HECW2: variants seen among roughly 807,000 people sequenced by gnomAD.
HECW2 encodes the protein E3 ubiquitin-protein ligase HECW2.
HECW2 carries 61 observed loss-of-function variants against 175.2 expected under a neutral mutation model. That is an observed-to-expected ratio of 0.35 (90% CI 0.28 to 0.43). HECW2 has a LOEUF of 0.43. HECW2 is among the 20% of genes least tolerant of loss of function. HECW2 has a pLI of 1.00. For missense variants in HECW2, 1,524 were observed against 2,000.5 expected, an observed-to-expected ratio of 0.76 and a Z score of 4.54; for synonymous variants, 671 against 731.0, an observed-to-expected ratio of 0.92 and a Z score of 1.32.
At chr2:196,257,959 A>T in intron 17 of HECW2, 53 bp from the exon 18 acceptor site, 1 of 1,308,590 alleles carries the variant, frequency 7.6e-7, no homozygotes, top group Non-Finnish European at 1.1e-6. Flanking sequence ...TTTAGGCTAT[A>T]ACTCAGTAGT....
intron 2 of HECW2, among the ~76,000 whole-genome samples, chr2:196,397,980 T>A (rs1321125918): frequency 6.6e-6 from 1 of 152,144 alleles, no homozygotes; most frequent in Non-Finnish European, 1.5e-5. Context: ...GCAGAAAGCA[T>A]ACCCTTCCGA....
At chr2:196,434,977 A>G (rs1302188256) in intron 1 of HECW2, among the ~76,000 whole-genome samples, 1 of 152,238 alleles carries the variant, frequency 6.6e-6, no homozygotes, top group Non-Finnish European at 1.5e-5. Context: ...CCATCCTCCC[A>G]TTGAGTTCAC....
chr2:196,331,356 T>A, intron 4 of HECW2: 1 of 864,902 alleles, frequency 1.2e-6, no homozygotes, highest in South Asian at 5.3e-5. Flanking sequence ...GGCTATCTCA[T>A]CCTGCTTTCA....
intron 1 of HECW2, among the ~76,000 whole-genome samples, chr2:196,447,325 C>T (rs761138440): frequency 6.6e-5 from 10 of 152,200 alleles, no homozygotes; most frequent in South Asian, 4.1e-4. Flanking sequence ...GAACTGAAGA[C>T]GTAAAATTAG....
At chr2:196,250,931 A>G (rs1688829074) in intron 19 of HECW2, among the ~76,000 whole-genome samples, 1 of 152,194 alleles carries the variant, frequency 6.6e-6, no homozygotes, top group South Asian at 2.1e-4. Context: ...ACCAATCATG[A>G]TCCGGTTTAT....
chr2:196,228,809 A>T (rs1687945907), intron 21 of HECW2, among the ~76,000 whole-genome samples: 1 of 152,238 alleles, frequency 6.6e-6, no homozygotes, highest in African/African-American at 2.4e-5. Context: ...ATGGAGTGAT[A>T]AGGTGCAAAT....
chr2:196,276,190 A>C (rs1040791188), intron 15 of HECW2, among the ~76,000 whole-genome samples: 6 of 152,320 alleles, frequency 3.9e-5, no homozygotes, highest in African/African-American at 1.2e-4. Flanking sequence ...AATCCCTCTG[A>C]TGGGCAGCAC....
chr2:196,338,643 A>G (rs1004360419), intron 3 of HECW2, among the ~76,000 whole-genome samples: 4 of 152,210 alleles, frequency 2.6e-5, no homozygotes, highest in African/African-American at 7.2e-5. Context: ...GCAGTAGTTA[A>G]CAGCCTGTTC....
intron 4 of HECW2, among the ~76,000 whole-genome samples, chr2:196,333,617 TG>T (rs1438971592): frequency 6.6e-6 from 1 of 152,232 alleles, no homozygotes; most frequent in Non-Finnish European, 1.5e-5. Flanking sequence ...TAATTAAAAC[TG>T]AAGTAATTTA....
intron 2 of HECW2, among the ~76,000 whole-genome samples, chr2:196,427,404 T>C (rs1377374517): frequency 6.6e-6 from 1 of 152,174 alleles, no homozygotes; most frequent in Non-Finnish European, 1.5e-5. Flanking sequence ...TGGAGCCTTT[T>C]GAAGTGTTTG....
intron 2 of HECW2, among the ~76,000 whole-genome samples, chr2:196,421,588 G>A (rs946090364): frequency 2.8e-4 from 42 of 152,264 alleles, no homozygotes; most frequent in African/African-American, 1.0e-3. Flanking sequence ...ATTATTTTGT[G>A]GGTTAGTAAT....
At chr2:196,347,967 A>C (rs1327680524) in intron 2 of HECW2, among the ~76,000 whole-genome samples, 4 of 152,252 alleles carry the variant, frequency 2.6e-5, no homozygotes, top group Admixed American at 6.5e-5. Flanking sequence ...CAGAGTTCAC[A>C]TTACTGTGAA....
intron 23 of HECW2, among the ~76,000 whole-genome samples, chr2:196,225,258 G>A (rs1687810584): frequency 6.6e-6 from 1 of 152,186 alleles, no homozygotes; most frequent in Non-Finnish European, 1.5e-5. Context: ...CATAGAGAAA[G>A]TTTAAGAAAC....
At chr2:196,566,521 T>C (rs1690193471) in intron 1 of HECW2, among the ~76,000 whole-genome samples, 1 of 150,980 alleles carries the variant, frequency 6.6e-6, no homozygotes, top group Non-Finnish European at 1.5e-5. Flanking sequence ...CCAGAAACTA[T>C]ACTTTTCTTT....
At chr2:196,504,295 C>CAAAA (rs371882295) in intron 1 of HECW2, among the ~76,000 whole-genome samples, 1 of 94,198 alleles carries the variant, frequency 1.1e-5, no homozygotes. Flanking sequence ...AACTCTGTCT[C>CAAAA]AAAAAAAAAA....
intron 2 of HECW2, among the ~76,000 whole-genome samples, chr2:196,428,459 C>G (rs1695611976): frequency 6.6e-6 from 1 of 152,174 alleles, no homozygotes; most frequent in Non-Finnish European, 1.5e-5. Flanking sequence ...AAAATCTTTT[C>G]CTGTTCTAGC....
intron 1 of HECW2, among the ~76,000 whole-genome samples, chr2:196,463,715 T>C (rs1696836900): frequency 3.9e-5 from 6 of 152,206 alleles, no homozygotes; most frequent in Admixed American, 2.6e-4. Context: ...TTCTATTAGA[T>C]AACACTGTTT....
chr2:196,348,125 A>T (rs1330273967), intron 2 of HECW2, among the ~76,000 whole-genome samples: 18 of 152,144 alleles, frequency 1.2e-4, no homozygotes, highest in Admixed American at 1.2e-3. Flanking sequence ...TTTAGATTAA[A>T]TTTTTTGTTC....
At chr2:196,268,841 G>A (rs1477468303) in intron 17 of HECW2, among the ~76,000 whole-genome samples, 1 of 152,138 alleles carries the variant, frequency 6.6e-6, no homozygotes, top group African/African-American at 2.4e-5. Context: ...TTTGCTTTGA[G>A]GTCTAGGATT....
Sources: allele counts gnomAD v4.1 joint callset (sites outside exome capture counted in the v4.1 genomes callset), GRCh38; gene constraint gnomAD v4.1.1; transcripts MANE v1.5; gene names NCBI Gene and HGNC (gene_info 2026-07-23, HGNC 2026-07-21).